FRY: variants seen among roughly 807,000 people sequenced by gnomAD.
The protein encoded by FRY is protein furry homolog.
A neutral mutation model predicts 348.4 loss-of-function variants in FRY; 128 were observed. The ratio of observed to expected loss-of-function variants is 0.37; its 90% CI spans 0.32 to 0.43. The LOEUF (loss-of-function observed/expected upper bound fraction) is 0.43. Among genes scored for constraint, FRY ranks in the 20% least tolerant of loss-of-function variants. The probability of loss-of-function intolerance (pLI) is 1.00; values close to 1 mark genes in which losing one functional copy is unlikely to be tolerated. For synonymous variants in FRY, 1,370 were observed against 1,374.7 expected (o/e 1.00, Z 0.08); for missense variants, 2,736 against 3,695.2 (o/e 0.74, Z 6.73).
At position 32,239,430 on chromosome 13, in the gene FRY, G is replaced by A. The variant is rs1210484660; in HGVS notation, c.6516+81G>A. 4 of 855,880 alleles carry A rather than the reference G, an allele frequency of 4.7e-6. No homozygotes were observed. The African/African-American group carries it at 6.6e-5, about 14-fold the overall frequency. 53.0% of individuals were successfully genotyped at this position (855,880 alleles called of 1,614,324 possible). A position where few individuals can be genotyped will look rare whatever the true frequency, so the allele number is the denominator to read the frequency against. ...AGTGTCAGGCAAATTACAAGGCCCA[G>A]AGATGGCAGTGATTTTCTCAAAAAC... On this transcript the variant is annotated intron_variant, in intron 45 of 60. Coordinates refer to ENST00000542859, the MANE Select transcript of FRY (RefSeq NM_023037.3). This position sits in a 1 kb window ranked among gnomAD's most constrained non-coding sequence, Gnocchi z 4.3.
chr13:32,046,015 C>G (rs1044382936), intron 1 of FRY, among the ~76,000 whole-genome samples: 1 of 152,190 alleles, frequency 6.6e-6, no homozygotes, highest in Non-Finnish European at 1.5e-5. Context: ...ACCCACTCAA[C>G]AATTCTCAAG....
chr13:32,129,688 A>C (rs1879229906), intron 7 of FRY, among the ~76,000 whole-genome samples: 1 of 152,206 alleles, frequency 6.6e-6, no homozygotes, highest in Non-Finnish European at 1.5e-5. Context: ...AGTTGTCTAA[A>C]TCTTCTTGAA....
intron 55 of FRY, among the ~76,000 whole-genome samples, chr13:32,272,042 A>G (rs1888232840): frequency 6.6e-6 from 1 of 152,146 alleles, no homozygotes; most frequent in Non-Finnish European, 1.5e-5. Context: ...CATACCTCCT[A>G]TTTTGCTTTT....
intron 1 of FRY, among the ~76,000 whole-genome samples, chr13:32,057,454 G>A (rs1343550631): frequency 6.6e-6 from 1 of 152,150 alleles, no homozygotes; most frequent in African/African-American, 2.4e-5. Flanking sequence ...TTATAGGCAT[G>A]AGCCACCACA....
chr13:32,253,946 T>TACACACACACAC (rs10627998), intron 50 of FRY, among the ~76,000 whole-genome samples: 1 of 151,086 alleles, frequency 6.6e-6, no homozygotes, highest in Non-Finnish European at 1.5e-5. Context: ...CACACACACA[T>TACACACACACAC]ACACACACAC....
At chr13:32,264,191 T>G (rs549116325) in intron 53 of FRY, among the ~76,000 whole-genome samples, 111 of 152,278 alleles carry the variant, frequency 7.3e-4, no homozygotes, top group African/African-American at 2.5e-3. Flanking sequence ...ATGGATTAAG[T>G]GTATGTACAC....
At chr13:32,155,390 T>C in intron 14 of FRY, 101 bp from the exon 15 acceptor site, 1 of 849,102 alleles carries the variant, frequency 1.2e-6, no homozygotes, top group South Asian at 1.3e-5. Context: ...CTCATACTCA[T>C]CTACATGCAA....
At chr13:32,037,069 C>T (rs1391290020) in intron 1 of FRY, among the ~76,000 whole-genome samples, 1 of 151,302 alleles carries the variant, frequency 6.6e-6, no homozygotes, top group Non-Finnish European at 1.5e-5. Context: ...AACACACACA[C>T]ACGTGCTGGA....
At chr13:32,244,522 G>A (rs1346580407) in intron 47 of FRY, among the ~76,000 whole-genome samples, 1 of 152,192 alleles carries the variant, frequency 6.6e-6, no homozygotes, top group Non-Finnish European at 1.5e-5. Flanking sequence ...AGGGGACAAG[G>A]AACTGTAGGA....
intron 17 of FRY, among the ~76,000 whole-genome samples, chr13:32,165,384 C>T (rs926234354): frequency 1.3e-5 from 2 of 152,172 alleles, no homozygotes; most frequent in African/African-American, 4.8e-5. Flanking sequence ...TATATTGCCT[C>T]AATAATTCAC....
intron 50 of FRY, among the ~76,000 whole-genome samples, chr13:32,253,878 C>G (rs1887205951): frequency 6.6e-6 from 1 of 152,060 alleles, no homozygotes; most frequent in Non-Finnish European, 1.5e-5. Flanking sequence ...TGTATAATTT[C>G]TAACTCTAAT....
intron 55 of FRY, among the ~76,000 whole-genome samples, chr13:32,273,312 C>G (rs1566186173): frequency 6.6e-6 from 1 of 151,378 alleles, no homozygotes; most frequent in African/African-American, 2.4e-5. Context: ...GGCTCCGCCC[C>G]CTGGGGTTCA....
chr13:32,256,901 A>C (rs1183214065), intron 51 of FRY, among the ~76,000 whole-genome samples: 5 of 152,250 alleles, frequency 3.3e-5, no homozygotes, highest in African/African-American at 1.2e-4. Flanking sequence ...ATGACATCAC[A>C]ACTGAAAGAT....
At chr13:32,136,594 T>C (rs1259817537) in intron 10 of FRY, among the ~76,000 whole-genome samples, 1 of 152,242 alleles carries the variant, frequency 6.6e-6, no homozygotes, top group Non-Finnish European at 1.5e-5. Context: ...TCTAAATCAT[T>C]GAATCAGATT....
In FRY at chr13:32,292,521, C is replaced by T. The variant is rs551624703; in HGVS notation, c.8581-1847C>T. ...CAATAAAGCAAACTTTGGCAGGGTG[C>T]GGTGGCTCACGCCTGTAATCCCAGC... is the stretch of plus-strand genomic sequence containing the variant. On this transcript the variant is annotated intron_variant, in intron 59 of 60. Transcript: ENST00000542859. 4.8e-4 allele frequency among the ~76,000 whole-genome samples: 73 copies of T among 151,758 alleles called. 1 individual carries two copies. The South Asian group carries it at 8.0e-3, about 17-fold the overall frequency.
At chr13:32,271,086 C>G (rs1262002325) in intron 55 of FRY, among the ~76,000 whole-genome samples, 1 of 152,178 alleles carries the variant, frequency 6.6e-6, no homozygotes, top group Non-Finnish European at 1.5e-5. Context: ...AAGGGAGGCT[C>G]TTTCTCCACC....
chr13:32,106,993 T>A (rs1171103085), intron 3 of FRY, among the ~76,000 whole-genome samples: 1 of 152,226 alleles, frequency 6.6e-6, no homozygotes, highest in African/African-American at 2.4e-5. Flanking sequence ...TATTTTATAT[T>A]TTTACACTCA....
At chr13:32,108,774 G>C (rs149643348) in intron 3 of FRY, among the ~76,000 whole-genome samples, 61 of 152,258 alleles carry the variant, frequency 4.0e-4, no homozygotes, top group African/African-American at 1.4e-3. Flanking sequence ...TTTTAAAATA[G>C]CTCAAAGGCA....
chr13:32,120,902 C>T lies in FRY; in HGVS notation c.465-3384C>T, dbSNP rs375523970. On this transcript the variant is annotated intron_variant, in intron 4 of 60. Coordinates refer to ENST00000542859, the MANE Select transcript of FRY (RefSeq NM_023037.3). ...GTCTTGAACTCGTGACCTCATGATCCGCCCACCTTGGCCTCCCAAAGTGCT... is the reference window on the plus strand; with the variant it reads ...GTCTTGAACTCGTGACCTCATGATCTGCCCACCTTGGCCTCCCAAAGTGCT... 7.2e-5 allele frequency among the ~76,000 whole-genome samples: 11 copies of T among 152,296 alleles called. No individual in the cohort carries two copies. In the East Asian group the frequency reaches 1.5e-3, roughly 21 times the overall value.
Sources: gnomAD v4.1 joint callset for allele counts (sites outside exome capture counted in the v4.1 genomes callset) on GRCh38, gnomAD v4.1.1 for gene constraint, Gnocchi (gnomAD v3.1) non-coding constraint, MANE v1.5 for transcripts, NCBI Gene and HGNC (gene_info 2026-07-23, HGNC 2026-07-21) for gene names.